Variants in C2orf42 observed in about 807,000 individuals in gnomAD.
C2orf42 encodes chromosome 2 open reading frame 42, also known as uncharacterized protein C2orf42.
In C2orf42, 44 loss-of-function variants were observed where a neutral mutation model predicts 58.9. The ratio of observed to expected loss-of-function variants is 0.75; its 90% CI spans 0.59 to 0.96. C2orf42 has a LOEUF of 0.96. C2orf42 is among the 40% of genes least tolerant of loss of function. The pLI is 0.00. For missense variants in C2orf42, 630 were observed against 699.2 expected (o/e 0.90, Z 1.12); for synonymous variants, 239 against 265.4 (o/e 0.90, Z 0.97).
intron 5 of C2orf42, among the ~76,000 whole-genome samples, chr2:70,174,067 T>C (rs1656179390): frequency 6.6e-6 from 1 of 152,064 alleles, no homozygotes; most frequent in African/African-American, 2.4e-5. Context: ...CAGTACTTTG[T>C]GAGGCTGAGG....
chr2:70,150,691 T>C, intron 9 of C2orf42, 127 bp from the exon 10 acceptor site: 2 of 654,734 alleles, frequency 3.1e-6, no homozygotes, highest in East Asian at 2.7e-5. Context: ...GAATGAGGTT[T>C]ATAAATTCAG....
At chr2:70,189,336 C>G (rs143754908) in intron 1 of C2orf42, among the ~76,000 whole-genome samples, 4,437 of 141,182 alleles carry the variant, frequency 0.031, 190 homozygotes, top group African/African-American at 0.11. Context: ...AACCCGGGAG[C>G]CAGAGGTTGC....
At chr2:70,182,491 T>G (rs1294274430) in intron 2 of C2orf42, 176 bp downstream of exon 2, 1 of 153,774 alleles carries the variant, frequency 6.5e-6, no homozygotes, top group Non-Finnish European at 1.4e-5. Context: ...ACCTATTTTT[T>G]TAAATCCTAA....
intron 5 of C2orf42, among the ~76,000 whole-genome samples, chr2:70,174,172 G>A (rs1674029915): frequency 6.6e-6 from 1 of 152,018 alleles, no homozygotes; most frequent in Non-Finnish European, 1.5e-5. Context: ...GCCGGGCATG[G>A]TGGCGTGCAC....
Position 70,169,575 on chromosome 2 carries a change from T to C in C2orf42, c.1126A>G (p.Met376Val), listed in dbSNP as rs1482803270. 5 of 1,582,460 alleles carry C rather than the reference T, an allele frequency of 3.2e-6. No homozygotes were observed. Among genetic ancestry groups the C allele is most frequent in the Non-Finnish European group, 4.3e-6 (5 of 1,151,230 alleles). Residue 376 changes from methionine (M) to valine (V), a missense_variant, in exon 6 of 10, where the codon ATG becomes GTG. Transcript: ENST00000264434. ...TACTTACCATCAAACTGATAGTGCATGGTTTGATGGATGCGTTCTGTGACA... is the reference window on the plus strand; with the variant it reads ...TACTTACCATCAAACTGATAGTGCACGGTTTGATGGATGCGTTCTGTGACA... Reference protein sequence around the residue: ...ASVTERIHQTMHYQFDGKPEP... With the variant: ...ASVTERIHQTVHYQFDGKPEP...
intron 5 of C2orf42, among the ~76,000 whole-genome samples, chr2:70,172,203 G>A (rs1208570690): frequency 7.1e-6 from 1 of 140,104 alleles, no homozygotes; most frequent in Non-Finnish European, 1.5e-5. Flanking sequence ...CAGCCTAGGC[G>A]ACAGAGTGAG....
At chr2:70,176,211 T>C (rs1351510846) in intron 4 of C2orf42, among the ~76,000 whole-genome samples, 1 of 152,216 alleles carries the variant, frequency 6.6e-6, no homozygotes, top group African/African-American at 2.4e-5. Context: ...TCACAAATAT[T>C]GCATGGAAAT....
Position 70,165,133 on chromosome 2 carries a change from T to C in C2orf42, c.1312A>G (p.Thr438Ala). 1 of 1,609,870 alleles carries C rather than the reference T, an allele frequency of 6.2e-7. No individual in the cohort carries two copies. The highest frequency in any genetic ancestry group is 8.5e-7 in the Non-Finnish European group (1 of 1,176,906). Reference protein sequence around the residue: ...GTFSKYTWHITNILQVKQILD... With the variant: ...GTFSKYTWHIANILQVKQILD... ...ATTTGTTTAACTTGCAGGATATTAG[T>C]GATATGCCAAGTATACTTGGAAAAG... Residue 438 changes from threonine to alanine, a missense_variant, in exon 8 of 10, where the codon ACT (threonine) becomes GCT (alanine). Transcript: ENST00000264434.
intron 8 of C2orf42, 66 bp from the exon 9 acceptor site, chr2:70,160,853 A>C: frequency 1.0e-6 from 1 of 956,300 alleles, no homozygotes; most frequent in Non-Finnish European, 1.5e-6. Context: ...CAATACCTGG[A>C]TGACGACAAA....
At chr2:70,183,499 G>A (rs555489193) in intron 1 of C2orf42, among the ~76,000 whole-genome samples, 36 of 144,032 alleles carry the variant, frequency 2.5e-4, no homozygotes, top group African/African-American at 5.1e-4. Context: ...GCGCAATCTC[G>A]GCTCACTGCA....
At chr2:70,178,924 CAAAAAAAAAAAA>C (rs751804822) in intron 4 of C2orf42, among the ~76,000 whole-genome samples, 2 of 96,122 alleles carry the variant, frequency 2.1e-5, no homozygotes, top group African/African-American at 8.0e-5. Context: ...GACTCCATCT[CAAAAAAAAAAAA>C]AAGAAAAAAA....
chr2:70,165,871 A>G (rs1168788775), intron 6 of C2orf42, among the ~76,000 whole-genome samples: 1 of 152,086 alleles, frequency 6.6e-6, no homozygotes, highest in East Asian at 1.9e-4. Flanking sequence ...TGGGCAACAA[A>G]GAAAGACCCA....
At chr2:70,171,879 G>GT (rs1421964785) in intron 5 of C2orf42, among the ~76,000 whole-genome samples, 2 of 151,758 alleles carry the variant, frequency 1.3e-5, no homozygotes, top group Admixed American at 1.3e-4. Flanking sequence ...GGAAAAAACA[G>GT]TAACGAGTGA....
rs1415802591 is a variant in C2orf42 at position 70,185,916 on chromosome 2, C to T, written c.-281-2981G>A. 2.0e-5 allele frequency among the ~76,000 whole-genome samples: 3 copies of T among 150,996 alleles called. No individual in the cohort carries two copies. The South Asian group carries it at 6.3e-4, about 32-fold the overall frequency. On this transcript the variant is annotated intron_variant, in intron 1 of 9. Coordinates refer to ENST00000264434, the MANE Select transcript of C2orf42 (RefSeq NM_017880.3). Reference sequence around the variant, plus strand: ...ATAATTCTTTGTTGTGGGGGCTATCCTATGCATTGCAGAATGTTTAACAGT... The same window carrying T: ...ATAATTCTTTGTTGTGGGGGCTATCTTATGCATTGCAGAATGTTTAACAGT...
At position 70,150,404 on chromosome 2, in the gene C2orf42, C is replaced by A. The variant is rs1265489918; in HGVS notation, c.1677G>T (p.Leu559Phe). The change falls in exon 10 of 10, where the codon TTG becomes TTT. Residue 559 changes from leucine (L) to phenylalanine (F), a missense_variant. Coordinates refer to ENST00000264434, the MANE Select transcript of C2orf42 (RefSeq NM_017880.3). ...GAGGGGCCAGTTCCAAGGGCTGGTC[C>A]AAGGGGGGCCGCTGGTCTTGGTACT... ...VAEYQDQRPP[L>F]DQPLELAPLT... 1 of 1,614,042 alleles carries A rather than the reference C, an allele frequency of 6.2e-7. No homozygotes were observed. The highest frequency in any genetic ancestry group is 8.5e-7 in the Non-Finnish European group (1 of 1,180,002).
rs755868066 is a variant in C2orf42 at position 70,181,497 on chromosome 2, C to T, written c.489G>A (p.Pro163=). ...SSVLNAMQAS[P]ETKQTIWQLA... ...ACTGCCAGATGGTCTGTTTGGTTTC[C>T]GGGGAGGCCTGCATTGCATTCAGGA... Residue 163 remains proline (P), a synonymous_variant, in exon 3 of 10, where the codon CCG becomes CCA. Coordinates refer to ENST00000264434, the MANE Select transcript of C2orf42 (RefSeq NM_017880.3). The T allele has an allele frequency of 8.1e-6, 13 of 1,613,512 alleles. No individual in the cohort carries two copies. Among genetic ancestry groups the T allele is most frequent in the African/African-American group, 4.0e-5 (3 of 75,006 alleles).
At chr2:70,184,829 G>A (rs985774753) in intron 1 of C2orf42, among the ~76,000 whole-genome samples, 3 of 151,426 alleles carry the variant, frequency 2.0e-5, no homozygotes, top group South Asian at 2.1e-4. Flanking sequence ...AGTGGCTCAT[G>A]CCTGTAATCC....
chr2:70,165,589 A>T lies in C2orf42; in HGVS notation c.1191T>A (p.Asp397Glu). Residue 397 changes from aspartate to glutamate, a missense_variant, in exon 7 of 10, where the codon GAT becomes GAA. Transcript: ENST00000264434. ...LVFHIPQSFF[D>E]ALQQRISIGS... ...CTATAGATATTCTTTGTTGCAGGGC[A>T]TCAAAAAATGACTGAGGAATGTGGA... 6.2e-7 allele frequency: 1 copy of T among 1,612,442 alleles called. No homozygotes were observed. Among genetic ancestry groups the T allele is most frequent in the Non-Finnish European group, 8.5e-7 (1 of 1,178,870 alleles).
chr2:70,189,406 C>CA (rs1182514916), intron 1 of C2orf42, among the ~76,000 whole-genome samples: 11,244 of 26,992 alleles, frequency 0.42, 3,108 homozygotes, highest in East Asian at 0.63. Flanking sequence ...AACTCCATCT[C>CA]AAAAAAAAAA....
Sources: gnomAD v4.1 joint callset for allele counts (sites outside exome capture counted in the v4.1 genomes callset) on GRCh38, gnomAD v4.1.1 for gene constraint, MANE v1.5 for transcripts, NCBI Gene and HGNC (gene_info 2026-07-23, HGNC 2026-07-21) for gene names.